MYO10: variants seen among roughly 807,000 people sequenced by gnomAD.
MYO10 encodes unconventional myosin-X.
A neutral mutation model predicts 257.3 loss-of-function variants in MYO10; 133 were observed. The ratio of observed to expected loss-of-function variants is 0.52; its 90% CI spans 0.45 to 0.60. The LOEUF (loss-of-function observed/expected upper bound fraction) is 0.60, where lower values mean the gene tolerates loss of function less well. Among genes scored for constraint, MYO10 ranks in the 20% least tolerant of loss-of-function variants. The pLI is 0.00. For synonymous variants in MYO10, 1,104 were observed against 1,028.6 expected, an observed-to-expected ratio of 1.07 and a Z score of -1.40; for missense variants, 2,399 against 2,635.7, an observed-to-expected ratio of 0.91 and a Z score of 1.97.
At chr5:16,767,442 G>A (rs1261018191) in intron 10 of MYO10, among the ~76,000 whole-genome samples, 1 of 151,790 alleles carries the variant, frequency 6.6e-6, no homozygotes, top group Non-Finnish European at 1.5e-5. Context: ...AGAAAGTTCT[G>A]GGATTACAGG....
Position 16,919,361 on chromosome 5 carries a change from G to T in MYO10, c.21+16427C>A, listed in dbSNP as rs531502604. The stretch of plus-strand genomic sequence containing the variant: ...CCACTGCACTCCAGCCTGGGCAACG[G>T]AACAAGACTCCATCTCAAAAACAAA... On this transcript the variant is annotated intron_variant, in intron 1 of 40. Coordinates refer to ENST00000513610, the MANE Select transcript of MYO10 (RefSeq NM_012334.3). Among the ~76,000 whole-genome samples the T allele has an allele frequency of 2.6e-5, 4 of 152,014 alleles. No individual in the cohort carries two copies. The South Asian group carries it at 8.3e-4, about 32-fold the overall frequency.
chr5:16,837,109 G>A (rs929080007), intron 2 of MYO10, among the ~76,000 whole-genome samples: 4 of 152,148 alleles, frequency 2.6e-5, no homozygotes, highest in African/African-American at 7.2e-5. Context: ...TCAGGAGTTC[G>A]AGACCAGCCT....
chr5:16,791,533 T>C (rs1486611121), intron 4 of MYO10, among the ~76,000 whole-genome samples: 1 of 123,902 alleles, frequency 8.1e-6, no homozygotes, highest in Non-Finnish European at 1.7e-5. Context: ...TCCTTCCGTT[T>C]TAATACATAC....
chr5:16,870,843 G>T (rs1744437836), intron 2 of MYO10, among the ~76,000 whole-genome samples: 1 of 152,150 alleles, frequency 6.6e-6, no homozygotes, highest in East Asian at 1.9e-4. Flanking sequence ...AGTAAGCCGA[G>T]ATCGCGCCAT....
intron 9 of MYO10, among the ~76,000 whole-genome samples, chr5:16,777,841 T>A (rs111360766): frequency 1.6e-4 from 11 of 67,106 alleles, no homozygotes; most frequent in African/African-American, 6.9e-4. Context: ...GCATCTAACT[T>A]TTTTTTTTTT....
intron 10 of MYO10, 35 bp downstream of exon 10, chr5:16,769,039 A>C: frequency 1.3e-6 from 2 of 1,574,450 alleles, no homozygotes; most frequent in Non-Finnish European, 1.7e-6. Context: ...ACGGGGAACA[A>C]AGGGAGCGAG....
At chr5:16,676,866 AAATT>A (rs1164802907) in intron 33 of MYO10, among the ~76,000 whole-genome samples, 2 of 152,234 alleles carry the variant, frequency 1.3e-5, no homozygotes, top group African/African-American at 4.8e-5. Context: ...AAAATAAAAA[AAATT>A]AATCTGATCT....
chr5:16,927,168 A>C (rs779894498), intron 1 of MYO10, among the ~76,000 whole-genome samples: 3 of 152,174 alleles, frequency 2.0e-5, no homozygotes, highest in Admixed American at 6.5e-5. Flanking sequence ...TTTCTCAATC[A>C]ACTCTTCAGT....
chr5:16,734,116 AAAAG>A (rs1739693196), intron 19 of MYO10, among the ~76,000 whole-genome samples: 2 of 151,984 alleles, frequency 1.3e-5, no homozygotes, highest in African/African-American at 2.4e-5. Flanking sequence ...TGCAAAAAAA[AAAAG>A]AAAGAAAGAA....
chr5:16,865,155 C>CA (rs201701607), intron 2 of MYO10, among the ~76,000 whole-genome samples: 57 of 147,762 alleles, frequency 3.9e-4, no homozygotes, highest in Admixed American at 1.3e-3. Context: ...ATTAAAGTTT[C>CA]AAAAAAAAAA....
chr5:16,765,970 A>G, intron 11 of MYO10, 110 bp downstream of exon 11: 1 of 750,618 alleles, frequency 1.3e-6, no homozygotes. Flanking sequence ...ACAGTTATTA[A>G]TATATTACAG....
intron 19 of MYO10, among the ~76,000 whole-genome samples, chr5:16,720,737 C>A (rs755826612): frequency 1.3e-5 from 2 of 152,196 alleles, no homozygotes; most frequent in Non-Finnish European, 2.9e-5. Flanking sequence ...GGATTACAGG[C>A]GTGAGCCACC....
chr5:16,908,353 C>G (rs1454084450), intron 1 of MYO10, among the ~76,000 whole-genome samples: 1 of 152,112 alleles, frequency 6.6e-6, no homozygotes, highest in African/African-American at 2.4e-5. Flanking sequence ...TATGGTGAAA[C>G]CTGGTCTCTA....
chr5:16,795,499 G>T (rs1440576970), intron 3 of MYO10, among the ~76,000 whole-genome samples: 3 of 152,092 alleles, frequency 2.0e-5, no homozygotes, highest in Non-Finnish European at 2.9e-5. Context: ...TACACAGGAG[G>T]CTGGGAAAGG....
intron 3 of MYO10, among the ~76,000 whole-genome samples, chr5:16,796,957 C>G (rs1214105073): frequency 6.7e-6 from 1 of 149,808 alleles, no homozygotes; most frequent in Non-Finnish European, 1.5e-5. Context: ...ACCAGGGATG[C>G]ATACACCCAG....
At chr5:16,818,403 T>TGC (rs1742699228) in intron 2 of MYO10, among the ~76,000 whole-genome samples, 1 of 121,802 alleles carries the variant, frequency 8.2e-6, no homozygotes, top group Non-Finnish European at 1.8e-5. Context: ...TGTGTGTGTG[T>TGC]GTGTGTGTAT....
In MYO10 at chr5:16,665,726, A is replaced by C. The variant is rs1368940125; in HGVS notation, c.*966T>G. The C allele has an allele frequency of 6.6e-6, 1 of 152,616 alleles. No homozygotes were observed. Among genetic ancestry groups the C allele is most frequent in the Non-Finnish European group, 1.5e-5 (1 of 68,026 alleles). The allele number at this position is 152,616 out of a possible 1,614,324, so 9.5% of individuals were successfully genotyped here. ...ACTTTGTTTTTAACTTAAATCTTTT[A>C]GACATGAAAGACTCCAAAATGACTT... On this transcript the variant is annotated 3_prime_UTR_variant, in exon 41 of 41. Coordinates refer to ENST00000513610, the MANE Select transcript of MYO10 (RefSeq NM_012334.3).
chr5:16,678,512 G>A (rs763598648), intron 33 of MYO10, among the ~76,000 whole-genome samples: 12 of 152,162 alleles, frequency 7.9e-5, no homozygotes, highest in Non-Finnish European at 1.3e-4. Flanking sequence ...CCCGGGAGGC[G>A]GAGGTTGCAG....
At chr5:16,873,318 G>C (rs766817229) in intron 2 of MYO10, among the ~76,000 whole-genome samples, 15 of 152,164 alleles carry the variant, frequency 9.9e-5, no homozygotes, top group Non-Finnish European at 2.1e-4. Flanking sequence ...TCACATCCAG[G>C]TCACACTGCT....
Sources: allele counts gnomAD v4.1 joint callset (sites outside exome capture counted in the v4.1 genomes callset), GRCh38; gene constraint gnomAD v4.1.1; transcripts MANE v1.5; gene names NCBI Gene and HGNC (gene_info 2026-07-23, HGNC 2026-07-21).